Variants in NCOR2 observed in about 807,000 individuals in gnomAD.
NCOR2 encodes CTG repeat protein 26.
A neutral mutation model predicts 262.9 loss-of-function variants in NCOR2; 81 were observed. The observed-to-expected ratio is 0.31, with a 90% CI of 0.26 to 0.37. The LOEUF is 0.37. Ranked by LOEUF, NCOR2 falls within the 10% of genes least tolerant of loss-of-function variation. The probability of loss-of-function intolerance (pLI) is 1.00; values close to 1 mark genes in which losing one functional copy is unlikely to be tolerated. For synonymous variants in NCOR2, 1,659 were observed against 1,559.3 expected, an observed-to-expected ratio of 1.06 and a Z score of -1.51; for missense variants, 3,385 against 3,621.4, an observed-to-expected ratio of 0.93 and a Z score of 1.68.
chr12:124,399,719 C>T (rs1357940696), intron 15 of NCOR2, among the ~76,000 whole-genome samples: 4 of 152,260 alleles, frequency 2.6e-5, no homozygotes, highest in African/African-American at 9.6e-5. Context: ...CCCTGGCAGG[C>T]GGGGCTTCGG....
chr12:124,444,774 G>A (rs574899007), intron 7 of NCOR2, among the ~76,000 whole-genome samples: 47 of 152,198 alleles, frequency 3.1e-4, no homozygotes, highest in African/African-American at 9.4e-4. Flanking sequence ...ATCACTGAGC[G>A]CCAACCAAAA....
intron 21 of NCOR2, 150 bp downstream of exon 23, chr12:124,363,529 C>T: frequency 1.2e-6 from 1 of 835,276 alleles, no homozygotes; most frequent in South Asian, 4.4e-5. Context: ...CAGCTGTTCC[C>T]ACCTCAGCTC....
In NCOR2 at chr12:124,481,077, A is replaced by T. The variant is rs1243731; in HGVS notation, c.411+2519T>A. Among the ~76,000 whole-genome samples the T allele has an allele frequency of 0.16, 23,428 of 147,190 alleles. 1,898 individuals carry two copies. The highest frequency in any genetic ancestry group is 0.24 in the South Asian group (1,079 of 4,558). Reference sequence around the variant, plus strand: ...TGCCCCAGGGGATGAGCAGGGAGAGATGGCAGGAGCTGAGGAAGCAGGGGG... The same window carrying T: ...TGCCCCAGGGGATGAGCAGGGAGAGTTGGCAGGAGCTGAGGAAGCAGGGGG... On this transcript the variant is annotated intron_variant, in intron 3 of 46. Coordinates refer to ENST00000405201, the Ensembl canonical transcript of NCOR2. This position sits in a 1 kb window ranked among gnomAD's most constrained non-coding sequence, Gnocchi z 4.6.
Position 124,549,601 on chromosome 12 carries a change from A to G in NCOR2, c.-164-13990T>C, listed in dbSNP as rs1320891626. 1.3e-5 allele frequency among the ~76,000 whole-genome samples: 2 copies of G among 152,126 alleles called. No individual in the cohort carries two copies. Among genetic ancestry groups the G allele is most frequent in the East Asian group, 3.9e-4 (2 of 5,188 alleles). On this transcript the variant is annotated intron_variant, in intron 1 of 32. Transcript: ENST00000458234. The surrounding 1 kb of genome is among the most constrained non-coding windows in gnomAD (Gnocchi z 4.4). The stretch of plus-strand genomic sequence containing the variant: ...AGAAGCGGTCACACATCATGGGCTC[A>G]TCATCACAGCCACAGTGACTCCTGA...
At chr12:124,488,933 A>C (rs371190918) in intron 1 of NCOR2, among the ~76,000 whole-genome samples, 12 of 151,354 alleles carry the variant, frequency 7.9e-5, no homozygotes, top group South Asian at 4.2e-4. Flanking sequence ...AATTTAGGAG[A>C]TCCTCCTAGG....
At chr12:124,369,530 G>T in intron 20 of NCOR2, among the ~76,000 whole-genome samples, 1 of 151,980 alleles carries the variant, frequency 6.6e-6, no homozygotes, top group Non-Finnish European at 1.5e-5. Context: ...CTACTCTGAC[G>T]CATCTCGTCC....
chr12:124,438,942 G>C (rs1316866927), intron 7 of NCOR2, among the ~76,000 whole-genome samples: 13 of 142,912 alleles, frequency 9.1e-5, no homozygotes, highest in African/African-American at 3.4e-4. Flanking sequence ...CAGAGACAGA[G>C]GGAGAGAGAG....
At position 124,432,693 on chromosome 12, in the gene NCOR2, C is replaced by G. The variant is rs1336415541; in HGVS notation, c.883-1906G>C. On this transcript the variant is annotated intron_variant, in intron 8 of 46. Transcript: ENST00000405201. This position sits in a 1 kb window ranked among gnomAD's most constrained non-coding sequence, Gnocchi z 5.1. ...CAAGGACCAGCTGTGAGGACCCCAG[C>G]AGCTCCCAGAGAGGGGGCTCTGCCT... Among the ~76,000 whole-genome samples, 1 of 152,198 alleles carries G rather than the reference C, an allele frequency of 6.6e-6. No homozygotes were observed. Among genetic ancestry groups the G allele is most frequent in the African/African-American group, 2.4e-5 (1 of 41,444 alleles).
At chr12:124,452,530 G>C (rs1305466965) in intron 6 of NCOR2, among the ~76,000 whole-genome samples, 12 of 152,246 alleles carry the variant, frequency 7.9e-5, no homozygotes, top group African/African-American at 2.9e-4. Flanking sequence ...ATTTTGGATA[G>C]CCCAGAAAAT....
intron 12 of NCOR2, among the ~76,000 whole-genome samples, chr12:124,421,741 G>A (rs1176339541): frequency 3.9e-5 from 6 of 152,240 alleles, no homozygotes. Context: ...CTGACCCCAA[G>A]ATGCTGGGGG....
At chr12:124,363,142 G>A (rs766964311) in intron 21 of NCOR2, among the ~76,000 whole-genome samples, 6 of 152,230 alleles carry the variant, frequency 3.9e-5, no homozygotes, top group Non-Finnish European at 5.9e-5. Context: ...AGCCTGACAC[G>A]CCCTGAGCCC....
chr12:124,346,703 A>G (rs1456935941), exon 31 of NCOR2: 1 of 1,569,888 alleles, frequency 6.4e-7, no homozygotes, highest in African/African-American at 1.3e-5. Flanking sequence ...GGCCGGCTTC[A>G]GCTTCAGGGG....
rs1403622265 is a variant in NCOR2, at chr12:124,549,888, T to G, written c.-164-14277A>C. 6.6e-6 allele frequency among the ~76,000 whole-genome samples: 1 copy of G among 152,048 alleles called. No homozygotes were observed. The highest frequency in any genetic ancestry group is 2.4e-5 in the African/African-American group (1 of 41,376). ...ACGCCTGCCTAGGGGAAGTACACGC[T>G]AGGTACTTATGGCAAGTATGTGAAT... is the stretch of plus-strand genomic sequence containing the variant. On this transcript the variant is annotated intron_variant, in intron 1 of 32. Coordinates refer to the NCOR2 transcript ENST00000458234. The surrounding 1 kb of genome is among the most constrained non-coding windows in gnomAD (Gnocchi z 4.4).
intron 4 of NCOR2, among the ~76,000 whole-genome samples, chr12:124,468,433 C>A (rs866326548): frequency 2.8e-5 from 1 of 35,196 alleles, no homozygotes; most frequent in African/African-American, 1.5e-4. Context: ...TCATCCTCAT[C>A]CTCATCACCC....
chr12:124,536,417 T>C (rs965183806), upstream of NCOR2, among the ~76,000 whole-genome samples: 5 of 152,028 alleles, frequency 3.3e-5, no homozygotes, highest in Non-Finnish European at 7.4e-5. Flanking sequence ...AAGTCAAAAG[T>C]AGTGCAATGA....
intron 5 of NCOR2, among the ~76,000 whole-genome samples, chr12:124,462,804 C>T (rs1373743405): frequency 6.6e-6 from 1 of 152,240 alleles, no homozygotes; most frequent in East Asian, 1.9e-4. Context: ...TATTATTCTT[C>T]TTTGCCCTGC....
chr12:124,544,899 C>T lies in NCOR2; in HGVS notation c.-164-9288G>A, dbSNP rs187780958. On this transcript the variant is annotated intron_variant, in intron 1 of 32. Coordinates refer to the NCOR2 transcript ENST00000458234. ...CAGAGGCAGTTTCCTCTCGGTGAAA[C>T]GGAGGCAATTATATTAGGTGGCTAA... is the stretch of plus-strand genomic sequence containing the variant. 1.6e-3 allele frequency among the ~76,000 whole-genome samples: 240 copies of T among 152,210 alleles called. 2 individuals are homozygous for T. The highest frequency in any genetic ancestry group is 5.7e-3 in the African/African-American group (237 of 41,518).
At chr12:124,456,459 A>C (rs2045861254) in intron 6 of NCOR2, among the ~76,000 whole-genome samples, 1 of 152,198 alleles carries the variant, frequency 6.6e-6, no homozygotes, top group South Asian at 2.1e-4. Flanking sequence ...CTGACATGGC[A>C]TCTTTCCGCA....
chr12:124,560,661 A>G (rs924987531), intron 1 of NCOR2, among the ~76,000 whole-genome samples: 1 of 152,218 alleles, frequency 6.6e-6, no homozygotes, highest in African/African-American at 2.4e-5. Flanking sequence ...GCACACATAC[A>G]GTCCATTTAA....
Sources: gnomAD v4.1 joint callset for allele counts (sites outside exome capture counted in the v4.1 genomes callset) on GRCh38, gnomAD v4.1.1 for gene constraint, Gnocchi (gnomAD v3.1) non-coding constraint, MANE v1.5 for transcripts, NCBI Gene and HGNC (gene_info 2026-07-23, HGNC 2026-07-21) for gene names.